Variants in SLC6A13 observed in about 807,000 individuals in gnomAD.
SLC6A13 encodes solute carrier family 6 member 13.
In SLC6A13, 69 loss-of-function variants were observed where a neutral mutation model predicts 72.9. The observed-to-expected ratio is 0.95, with a 90% CI of 0.78 to 1.16. The LOEUF (loss-of-function observed/expected upper bound fraction) is 1.16, where lower values mean the gene tolerates loss of function less well. SLC6A13 is among the 50% of genes most tolerant of loss of function. The pLI, the probability that SLC6A13 is intolerant of heterozygous loss-of-function variation, is 0.00. For missense variants in SLC6A13, 735 were observed against 760.5 expected, an observed-to-expected ratio of 0.97 and a Z score of 0.39; for synonymous variants, 303 against 303.0, an observed-to-expected ratio of 1.00 and a Z score of 0.00.
At position 237,994 on chromosome 12, in the gene SLC6A13, G is replaced by T. The variant is rs1400304975; in HGVS notation, c.495C>A (p.Phe165Leu). 1 of 1,613,726 alleles carries T rather than the reference G, an allele frequency of 6.2e-7. No individual in the cohort carries two copies. The highest frequency in any genetic ancestry group is 2.2e-5 in the East Asian group (1 of 44,898). The change falls in exon 5 of 15, where the codon TTC (phenylalanine) becomes TTA (leucine). Residue 165 changes from phenylalanine to leucine, a missense_variant. Phe to Leu is a conservative substitution (Grantham distance 22). Coordinates refer to ENST00000343164, the MANE Select transcript of SLC6A13 (RefSeq NM_016615.5). ...HEWNTEHCME[F>L]QKTNGSLNGT... ...CATTCAGGGAGCCGTTGGTCTTCTGGAACTCCATACAGTGTTCTACCCATG... is the reference window on the plus strand; with the variant it reads ...CATTCAGGGAGCCGTTGGTCTTCTGTAACTCCATACAGTGTTCTACCCATG...
chr12:226,698 C>T (rs1941471299), intron 8 of SLC6A13, 184 bp from the exon 9 acceptor site: 1 of 612,540 alleles, frequency 1.6e-6, no homozygotes, highest in South Asian at 2.1e-5. Context: ...TCTCCTCCGA[C>T]ACTCCTCGGC....
chr12:237,343 G>A, intron 5 of SLC6A13, 53 bp from the exon 6 acceptor site: 1 of 1,602,386 alleles, frequency 6.2e-7, no homozygotes, highest in Non-Finnish European at 8.5e-7. Context: ...CCTCAGTTTT[G>A]TGGCCCCGTC....
At chr12:256,134 C>T (rs966577748) in intron 2 of SLC6A13, among the ~76,000 whole-genome samples, 2 of 152,128 alleles carry the variant, frequency 1.3e-5, no homozygotes, top group African/African-American at 4.8e-5. Context: ...TGGAATGCTA[C>T]CTAATTTACT....
rs1941172746 is a variant in SLC6A13 at position 220,883 on chromosome 12, TGCCACGTTCCCTCCACA to T, written c.*48_*64del. On this transcript the variant is annotated 3_prime_UTR_variant, in exon 15 of 15. Transcript: ENST00000343164. ...GCAGGGAAGCACATGGGGCTGCTTC[TGCCACGTTCCCTCCACA>T]GCCATCCCCAAGGCCAGGCACACAG... The T allele has an allele frequency of 6.3e-7, 1 of 1,595,710 alleles. No individual in the cohort carries two copies. The highest frequency in any genetic ancestry group is 1.3e-5 in the African/African-American group (1 of 74,670).
chr12:244,261 C>G (rs1942271701), intron 2 of SLC6A13, among the ~76,000 whole-genome samples: 2 of 152,142 alleles, frequency 1.3e-5, no homozygotes, highest in Admixed American at 1.3e-4. Flanking sequence ...GAATGTATCC[C>G]CTAAAGTTCG....
At chr12:248,539 G>T (rs1444376514) in intron 2 of SLC6A13, among the ~76,000 whole-genome samples, 1 of 151,934 alleles carries the variant, frequency 6.6e-6, no homozygotes, top group Non-Finnish European at 1.5e-5. Context: ...ATTTCATAAT[G>T]ATTAAAGGGT....
At chr12:251,514 C>T (rs1565506839) in intron 2 of SLC6A13, among the ~76,000 whole-genome samples, 1 of 152,184 alleles carries the variant, frequency 6.6e-6, no homozygotes, top group Admixed American at 6.5e-5. Context: ...TAAAACTATA[C>T]ATCTTCTAGA....
chr12:249,769 C>A (rs972977486), intron 2 of SLC6A13, among the ~76,000 whole-genome samples: 1 of 151,576 alleles, frequency 6.6e-6, no homozygotes, highest in Non-Finnish European at 1.5e-5. Flanking sequence ...TGAGCATTAC[C>A]CTGATAATAA....
Position 254,717 on chromosome 12 carries a change from A to G in SLC6A13, c.202+5134T>C, listed in dbSNP as rs940201879. Reference sequence around the variant, plus strand: ...ATCAAAATGCTAATGATCCCCAAATACACACCTCCAGCCAGATCTCTCTCA... The same window carrying G: ...ATCAAAATGCTAATGATCCCCAAATGCACACCTCCAGCCAGATCTCTCTCA... On this transcript the variant is annotated intron_variant, in intron 2 of 14. Coordinates refer to ENST00000343164, the MANE Select transcript of SLC6A13 (RefSeq NM_016615.5). The surrounding 1 kb of genome is among the most constrained non-coding windows in gnomAD (Gnocchi z 4.4). Among the ~76,000 whole-genome samples, 2 of 152,154 alleles carry G rather than the reference A, an allele frequency of 1.3e-5. No homozygotes were observed. The highest frequency in any genetic ancestry group is 6.5e-5 in the Admixed American group (1 of 15,268).
intron 7 of SLC6A13, 22 bp downstream of exon 7, chr12:235,068 G>A (rs759085991): frequency 1.2e-6 from 2 of 1,614,062 alleles, no homozygotes; most frequent in Non-Finnish European, 8.5e-7. Flanking sequence ...TCACGTGAGG[G>A]CTCCTGTCTG....
intron 2 of SLC6A13, among the ~76,000 whole-genome samples, chr12:251,624 T>G (rs1250662770): frequency 6.6e-6 from 1 of 152,068 alleles, no homozygotes; most frequent in Non-Finnish European, 1.5e-5. Context: ...TCATAAAAAT[T>G]TAAAACGCCT....
rs766254128 is a variant in SLC6A13 at position 224,407 on chromosome 12, A to G, written c.1167T>C (p.Asp389=). Residue 389 remains aspartate (D), a synonymous_variant, in exon 10 of 15, where the codon GAT becomes GAC. Transcript: ENST00000343164. ...FFFMVVLLGL[D]SQFVCVESLV... is the part of the protein sequence containing the mutation. ...AGTGGCTGCCTCTTGATACCTGGCT[A>G]TCCAGTCCCAGGAGAACGACCATGA... is the stretch of plus-strand genomic sequence containing the variant. 6.2e-7 allele frequency: 1 copy of G among 1,612,824 alleles called. No individual in the cohort carries two copies. Among genetic ancestry groups the G allele is most frequent in the Non-Finnish European group, 8.5e-7 (1 of 1,178,790 alleles).
intron 11 of SLC6A13, chr12:223,634 C>T: frequency 3.0e-6 from 1 of 330,528 alleles, no homozygotes; most frequent in Non-Finnish European, 5.7e-6. Flanking sequence ...CACCCAGCCC[C>T]AGGCCTCCCT....
chr12:223,991 C>G lies in SLC6A13; in HGVS notation c.1311+1G>C. ...CCTTCCCCCGCTTCCCAGGCCCTCA[C>G]CTCTGTGAGCATGATCAGCCCCACA... On this transcript the variant is annotated splice_donor_variant, in intron 11 of 14. Coordinates refer to ENST00000343164, the MANE Select transcript of SLC6A13 (RefSeq NM_016615.5). LOFTEE classifies it high-confidence loss of function. 1 of 1,612,310 alleles carries G rather than the reference C, an allele frequency of 6.2e-7. No homozygotes were observed. The highest frequency in any genetic ancestry group is 2.2e-5 in the East Asian group (1 of 44,680).
chr12:222,493 C>T (rs747483718), intron 13 of SLC6A13, 39 bp downstream of exon 13: 1 of 1,351,774 alleles, frequency 7.4e-7, no homozygotes, highest in Non-Finnish European at 1.0e-6. Context: ...CACCGTCTCT[C>T]CCTCCCTTCA....
chr12:230,843 G>C (rs935203241), intron 7 of SLC6A13, among the ~76,000 whole-genome samples: 2 of 152,206 alleles, frequency 1.3e-5, no homozygotes, highest in Non-Finnish European at 2.9e-5. Context: ...GCGAATAAGA[G>C]GGACATAATA....
At chr12:250,960 T>G (rs972377233) in intron 2 of SLC6A13, among the ~76,000 whole-genome samples, 3 of 150,232 alleles carry the variant, frequency 2.0e-5, no homozygotes, top group East Asian at 2.0e-4. Context: ...ATCGAGACCA[T>G]CCTGGCCAAC....
rs1942679324 is a variant in SLC6A13 at position 254,712 on chromosome 12, C to T, written c.202+5139G>A. Reference sequence around the variant, plus strand: ...ATACCATCAAAATGCTAATGATCCCCAAATACACACCTCCAGCCAGATCTC... The same window carrying T: ...ATACCATCAAAATGCTAATGATCCCTAAATACACACCTCCAGCCAGATCTC... On this transcript the variant is annotated intron_variant, in intron 2 of 14. Coordinates refer to ENST00000343164, the MANE Select transcript of SLC6A13 (RefSeq NM_016615.5). The surrounding 1 kb of genome is among the most constrained non-coding windows in gnomAD (Gnocchi z 4.4). Among the ~76,000 whole-genome samples, 1 of 152,308 alleles carries T rather than the reference C, an allele frequency of 6.6e-6. No homozygotes were observed. Among genetic ancestry groups the T allele is most frequent in the Non-Finnish European group, 1.5e-5 (1 of 68,026 alleles).
intron 7 of SLC6A13, among the ~76,000 whole-genome samples, chr12:230,132 G>A (rs975786913): frequency 7.9e-5 from 12 of 151,986 alleles, no homozygotes; most frequent in Non-Finnish European, 4.4e-5. Flanking sequence ...CACCACAGGC[G>A]ACCACTCCCT....
Sources: allele counts gnomAD v4.1 joint callset (sites outside exome capture counted in the v4.1 genomes callset), GRCh38; gene constraint gnomAD v4.1.1; non-coding constraint Gnocchi (gnomAD v3.1); transcripts MANE v1.5; gene names NCBI Gene and HGNC (gene_info 2026-07-23, HGNC 2026-07-21).